The following ANKS1B variants were observed in gnomAD, a reference collection of about 807,000 sequenced individuals.
ANKS1B encodes ankyrin repeat and sterile alpha motif domain-containing protein 1B.
In ANKS1B, 36 loss-of-function variants were observed where a neutral mutation model predicts 148.3. The observed-to-expected ratio is 0.24, with a 90% CI of 0.19 to 0.32. The LOEUF is 0.32. ANKS1B is among the 10% of genes least tolerant of loss of function. The pLI is 1.00. For synonymous variants in ANKS1B, 542 were observed against 560.8 expected (o/e 0.97, Z 0.47); for missense variants, 1,157 against 1,542.6 (o/e 0.75, Z 4.19).
At chr12:99,648,074 G>A (rs11109967) in intron 9 of ANKS1B, 233,103 of 1,490,480 alleles carry the variant, frequency 0.16, 21,770 homozygotes, top group East Asian at 0.45. Flanking sequence ...CACGACTGCT[G>A]GCCCACCTGC....
At chr12:98,807,009 C>T (rs2099055692) in intron 20 of ANKS1B, among the ~76,000 whole-genome samples, 2 of 152,110 alleles carry the variant, frequency 1.3e-5, no homozygotes, top group East Asian at 3.8e-4. Context: ...CTTCACATGC[C>T]GCCCCAAGAA....
chr12:98,992,846 C>T (rs1361470846), intron 17 of ANKS1B, among the ~76,000 whole-genome samples: 2 of 152,218 alleles, frequency 1.3e-5, no homozygotes, highest in African/African-American at 2.4e-5. Flanking sequence ...TTTCTCTTCA[C>T]TAGAATGAAA....
intron 8 of ANKS1B, among the ~76,000 whole-genome samples, chr12:99,664,141 T>C (rs1192210048): frequency 6.6e-6 from 1 of 151,652 alleles, no homozygotes; most frequent in Non-Finnish European, 1.5e-5. Flanking sequence ...AAAGTCACCT[T>C]AGAAAGTTTA....
At chr12:99,890,507 G>A (rs1488748729) in intron 1 of ANKS1B, among the ~76,000 whole-genome samples, 3 of 151,758 alleles carry the variant, frequency 2.0e-5, no homozygotes, top group African/African-American at 7.3e-5. Context: ...TTGTGAACTT[G>A]CCAGCTCCCA....
intron 8 of ANKS1B, among the ~76,000 whole-genome samples, chr12:99,682,925 A>C (rs2098629591): frequency 6.6e-6 from 1 of 152,138 alleles, no homozygotes; most frequent in African/African-American, 2.4e-5. Flanking sequence ...TAATTTATTA[A>C]AAAATAAAAA....
chr12:98,912,867 A>C (rs961064459), intron 17 of ANKS1B, among the ~76,000 whole-genome samples: 1 of 152,210 alleles, frequency 6.6e-6, no homozygotes, highest in Non-Finnish European at 1.5e-5. Flanking sequence ...CTTGTGACCT[A>C]GATTTGCACA....
At chr12:99,106,040 G>C (rs1468381951) in intron 15 of ANKS1B, among the ~76,000 whole-genome samples, 1 of 152,140 alleles carries the variant, frequency 6.6e-6, no homozygotes, top group East Asian at 1.9e-4. Context: ...CCCTTAGACA[G>C]TCTGTGACAT....
intron 17 of ANKS1B, among the ~76,000 whole-genome samples, chr12:98,963,119 G>T (rs1172125114): frequency 2.0e-5 from 3 of 151,452 alleles, no homozygotes; most frequent in African/African-American, 7.3e-5. Context: ...AAATTAAAAT[G>T]GAGAAAACAA....
intron 12 of ANKS1B, among the ~76,000 whole-genome samples, chr12:99,367,272 T>C (rs1390627669): frequency 6.6e-6 from 1 of 152,060 alleles, no homozygotes; most frequent in Non-Finnish European, 1.5e-5. Flanking sequence ...GGGCATTTCA[T>C]AAAAAGAAGA....
chr12:99,950,736 C>A (rs188573606), intron 1 of ANKS1B, among the ~76,000 whole-genome samples: 2 of 152,092 alleles, frequency 1.3e-5, no homozygotes, highest in African/African-American at 2.4e-5. Flanking sequence ...AACCACCCCC[C>A]CCAATAACCC....
chr12:99,553,579 G>A (rs1340400417), intron 9 of ANKS1B, among the ~76,000 whole-genome samples: 1 of 152,148 alleles, frequency 6.6e-6, no homozygotes, highest in Non-Finnish European at 1.5e-5. Flanking sequence ...CATGAAAGCA[G>A]TCATAGACAA....
intron 9 of ANKS1B, among the ~76,000 whole-genome samples, chr12:99,572,454 G>A (rs1388337158): frequency 6.6e-6 from 1 of 151,866 alleles, no homozygotes; most frequent in Non-Finnish European, 1.5e-5. Flanking sequence ...GGCTCTAGAG[G>A]AACTTGATAA....
intron 1 of ANKS1B, among the ~76,000 whole-genome samples, chr12:99,867,768 G>A (rs989422427): frequency 9.9e-5 from 15 of 152,152 alleles, no homozygotes; most frequent in South Asian, 2.1e-4. Flanking sequence ...CCAGAGAACA[G>A]GAAAATATAA....
intron 17 of ANKS1B, among the ~76,000 whole-genome samples, chr12:98,867,415 A>AC (rs774481220): frequency 7.2e-5 from 11 of 152,274 alleles, no homozygotes; most frequent in Non-Finnish European, 1.6e-4. Context: ...CTAAAATGGC[A>AC]CAAAAATGTA....
At chr12:99,598,211 G>A (rs2153275909) in intron 9 of ANKS1B, among the ~76,000 whole-genome samples, 1 of 152,108 alleles carries the variant, frequency 6.6e-6, no homozygotes, top group African/African-American at 2.4e-5. Context: ...GGCATTGTGG[G>A]AGCTCCAGGT....
chr12:98,945,509 A>AAAAAAC lies in ANKS1B; in HGVS notation c.2778+107647_2778+107648insGTTTTT, dbSNP rs2099843922. Among the ~76,000 whole-genome samples, 9 of 26,060 alleles carry AAAAAAC rather than the reference A, an allele frequency of 3.5e-4. No individual in the cohort carries two copies. In the Admixed American group the frequency reaches 3.5e-3, roughly 10 times the overall value. 17.1% of individuals were successfully genotyped at this position (26,060 alleles called of 152,430 possible). A position where few individuals can be genotyped will look rare whatever the true frequency, so the allele number is the denominator to read the frequency against. On this transcript the variant is annotated intron_variant, in intron 17 of 26. Transcript: ENST00000683438. ...GACCCTGTCTCAACAAACAAACAAA[A>AAAAAAC]AAAAAAAAAAAAAAAAAAAAAAAAA...
intron 1 of ANKS1B, among the ~76,000 whole-genome samples, chr12:99,896,384 A>G (rs1342582989): frequency 1.3e-5 from 2 of 150,750 alleles, no homozygotes; most frequent in Non-Finnish European, 3.0e-5. Flanking sequence ...TTCACTTAGT[A>G]TCATGTCCTC....
intron 1 of ANKS1B, among the ~76,000 whole-genome samples, chr12:99,875,623 T>C (rs2091974597): frequency 6.6e-6 from 1 of 152,236 alleles, no homozygotes; most frequent in African/African-American, 2.4e-5. Flanking sequence ...GAAGTGATAT[T>C]ACATAATAGC....
chr12:98,756,392 G>A (rs1262926368), intron 25 of ANKS1B, among the ~76,000 whole-genome samples: 1 of 152,000 alleles, frequency 6.6e-6, no homozygotes, highest in African/African-American at 2.4e-5. Flanking sequence ...GTGGAACTGT[G>A]AGTCCATTAA....
Sources: gnomAD v4.1 joint callset for allele counts (sites outside exome capture counted in the v4.1 genomes callset) on GRCh38, gnomAD v4.1.1 for gene constraint, MANE v1.5 for transcripts, NCBI Gene and HGNC (gene_info 2026-07-23, HGNC 2026-07-21) for gene names.